Variants in ZZEF1 observed in about 807,000 individuals in gnomAD.
ZZEF1 encodes the protein zinc finger ZZ-type and EF-hand domain-containing protein 1.
Under a neutral mutation model 342.8 loss-of-function variants are expected in ZZEF1, and 157 were observed. The observed-to-expected ratio is 0.46, with a 90% confidence interval of 0.40 to 0.52. The LOEUF is 0.52. Ranked by LOEUF, ZZEF1 falls within the 20% of genes least tolerant of loss-of-function variation. The pLI is 0.00. For missense variants in ZZEF1, 3,480 were observed against 3,725.6 expected (o/e 0.93, Z 1.72); for synonymous variants, 1,505 against 1,429.1 (o/e 1.05, Z -1.20).
intron 39 of ZZEF1, among the ~76,000 whole-genome samples, chr17:4,036,048 C>T (rs868431428): frequency 2.9e-5 from 4 of 137,164 alleles, no homozygotes; most frequent in South Asian, 2.2e-4. Flanking sequence ...TGCAGTGAGC[C>T]GAGATTGCAC....
chr17:4,122,922 CT>C (rs71144167), intron 2 of ZZEF1, among the ~76,000 whole-genome samples: 34 of 136,686 alleles, frequency 2.5e-4, no homozygotes, highest in Non-Finnish European at 2.6e-4. Context: ...TGACCTCTTC[CT>C]TTTTTTTTTT....
intron 6 of ZZEF1, 68 bp from the exon 7 acceptor site, chr17:4,105,877 T>C: frequency 7.6e-7 from 1 of 1,315,320 alleles, no homozygotes; most frequent in Non-Finnish European, 1.1e-6. Context: ...AAATAAACTG[T>C]TAGAAGCTTG....
chr17:4,051,532 T>C (rs1317000132), intron 35 of ZZEF1, among the ~76,000 whole-genome samples: 2 of 152,118 alleles, frequency 1.3e-5, no homozygotes, highest in Non-Finnish European at 2.9e-5. Context: ...GCGATTCTCA[T>C]GCCTTAGCCT....
intron 1 of ZZEF1, among the ~76,000 whole-genome samples, chr17:4,130,041 C>T (rs2058638978): frequency 6.6e-6 from 1 of 151,976 alleles, no homozygotes; most frequent in Non-Finnish European, 1.5e-5. Flanking sequence ...GGGAGAGGAC[C>T]AGAAAAAATA....
In ZZEF1 at chr17:4,049,833, C is replaced by T. The variant is rs2057007255; in HGVS notation, c.5890G>A (p.Val1964Ile). Residue 1964 changes from valine (V) to isoleucine (I), a missense_variant, in exon 37 of 55, where the codon GTA becomes ATA. Coordinates refer to ENST00000381638, the MANE Select transcript of ZZEF1 (RefSeq NM_015113.4). ...KGLKALALLG[V>I]LPDGDSSLED... is the part of the protein sequence containing the mutation. ...AGGCTCGAGTCCCCATCTGGCAATA[C>T]ACCCAGCAAAGCTAGAGCTTTAAGG... 6 of 1,614,084 alleles carry T rather than the reference C, an allele frequency of 3.7e-6. No individual in the cohort carries two copies. The highest frequency in any genetic ancestry group is 1.7e-5 in the Admixed American group (1 of 60,008).
chr17:4,134,291 C>T (rs2058713439), intron 1 of ZZEF1, among the ~76,000 whole-genome samples: 1 of 149,290 alleles, frequency 6.7e-6, no homozygotes, highest in African/African-American at 2.5e-5. Flanking sequence ...TGCACTCTAG[C>T]CTGGGTGGTA....
intron 11 of ZZEF1, among the ~76,000 whole-genome samples, chr17:4,091,425 G>C (rs1484890844): frequency 1.3e-5 from 2 of 152,218 alleles, no homozygotes; most frequent in Non-Finnish European, 2.9e-5. Flanking sequence ...CTTTTTAAGA[G>C]AATGTATGCC....
At chr17:4,022,584 T>G in intron 44 of ZZEF1, 125 bp downstream of exon 44, 1 of 1,357,258 alleles carries the variant, frequency 7.4e-7, no homozygotes, top group Non-Finnish European at 1.0e-6. Context: ...AGCAAGGGAG[T>G]TTTCAACACT....
At chr17:4,059,358 T>C (rs2057237032) in intron 30 of ZZEF1, 68 bp from the exon 31 acceptor site, 5 of 1,552,688 alleles carry the variant, frequency 3.2e-6, no homozygotes, top group Non-Finnish European at 4.3e-6. Flanking sequence ...ATAATAATGA[T>C]TTCTTACATG....
chr17:4,057,664 C>T (rs976886543), intron 32 of ZZEF1, among the ~76,000 whole-genome samples: 1 of 152,178 alleles, frequency 6.6e-6, no homozygotes, highest in Non-Finnish European at 1.5e-5. Flanking sequence ...AGAGGATTCT[C>T]GGCCTCAGAG....
In ZZEF1 at chr17:4,058,044, G is replaced by A. The variant is rs919012586; in HGVS notation, c.5115C>T (p.Leu1705=). Reference sequence around the variant, plus strand: ...TATTCTCCTGTGACATTTTCATGAGGAGATCTGGTAACTGAATATCAACAA... The same window carrying A: ...TATTCTCCTGTGACATTTTCATGAGAAGATCTGGTAACTGAATATCAACAA... The part of the protein sequence containing the change: ...AFFVDIQLPD[L]LMKMSQENIS... Residue 1705 remains leucine, a synonymous_variant, in exon 32 of 55, where the codon CTC becomes CTT. Coordinates refer to ENST00000381638, the MANE Select transcript of ZZEF1 (RefSeq NM_015113.4). 16 of 1,614,084 alleles carry A rather than the reference G, an allele frequency of 9.9e-6. No homozygotes were observed. Among genetic ancestry groups the A allele is most frequent in the African/African-American group, 2.7e-5 (2 of 74,916 alleles).
chr17:4,097,535 C>T (rs897482103), intron 9 of ZZEF1, among the ~76,000 whole-genome samples: 2 of 150,170 alleles, frequency 1.3e-5, no homozygotes, highest in Non-Finnish European at 3.0e-5. Context: ...CATACCCTTT[C>T]GGTCGTCTCT....
intron 39 of ZZEF1, among the ~76,000 whole-genome samples, chr17:4,039,743 A>T (rs1194048447): frequency 1.4e-5 from 2 of 145,678 alleles, no homozygotes; most frequent in African/African-American, 5.1e-5. Flanking sequence ...TCCCGGGTTC[A>T]CGCCATTCTC....
chr17:4,123,296 T>G (rs1235025916), intron 2 of ZZEF1, among the ~76,000 whole-genome samples: 3 of 100,000 alleles, frequency 3.0e-5, no homozygotes, highest in Non-Finnish European at 6.6e-5. Context: ...TATATATATA[T>G]ATATATATAT....
chr17:4,064,063 A>AT (rs796072505), intron 29 of ZZEF1, among the ~76,000 whole-genome samples: 2 of 144,738 alleles, frequency 1.4e-5, no homozygotes, highest in African/African-American at 5.0e-5. Context: ...TTGTAGATGG[A>AT]GGGGGGGGGG....
Position 4,123,955 on chromosome 17 carries a change from C to A in ZZEF1, c.451G>T (p.Glu151Ter). The change falls in exon 2 of 55, where the codon GAG (glutamate) becomes TAG (stop). Residue 151 changes from glutamate (E) to a stop codon, truncating the protein, a stop_gained. Transcript: ENST00000381638. LOFTEE classifies it high-confidence loss of function. ...KNSSGANLQG[E>*]LSHIIRQLQA... ...AGTTGTCTGATGATGTGGCTCAGCTCCCCCTGAAGATTAGCTCCACTGGAA... is the reference window on the plus strand; with the variant it reads ...AGTTGTCTGATGATGTGGCTCAGCTACCCCTGAAGATTAGCTCCACTGGAA... 1.9e-6 allele frequency: 3 copies of A among 1,613,952 alleles called. No individual in the cohort carries two copies. The highest frequency in any genetic ancestry group is 2.5e-6 in the Non-Finnish European group (3 of 1,179,998).
intron 34 of ZZEF1, among the ~76,000 whole-genome samples, chr17:4,053,624 T>C (rs1006235932): frequency 6.6e-6 from 1 of 152,246 alleles, no homozygotes; most frequent in Non-Finnish European, 1.5e-5. Flanking sequence ...CACTGGGCCA[T>C]GCACAAAAAG....
chr17:4,126,054 G>A (rs62071044), intron 1 of ZZEF1, among the ~76,000 whole-genome samples: 7 of 151,752 alleles, frequency 4.6e-5, no homozygotes, highest in East Asian at 3.9e-4. Context: ...GTGAAACCCC[G>A]TCTCTACTAA....
At position 4,106,421 on chromosome 17, in the gene ZZEF1, G is replaced by A. The variant is rs1597900754; in HGVS notation, c.1278-612C>T. ...AGTACTAGAAAAACTGACCCAAGAGGCAGAGCAGCTTGAGGCTCAGTAGAA... is the reference window on the plus strand; with the variant it reads ...AGTACTAGAAAAACTGACCCAAGAGACAGAGCAGCTTGAGGCTCAGTAGAA... On this transcript the variant is annotated intron_variant, in intron 6 of 54. Coordinates refer to ENST00000381638, the MANE Select transcript of ZZEF1 (RefSeq NM_015113.4). Among the ~76,000 whole-genome samples the A allele has an allele frequency of 7.2e-5, 11 of 151,750 alleles. No individual in the cohort carries two copies. In the South Asian group the frequency reaches 2.3e-3, roughly 32 times the overall value.
Sources: allele counts gnomAD v4.1 joint callset (sites outside exome capture counted in the v4.1 genomes callset), GRCh38; gene constraint gnomAD v4.1.1; transcripts MANE v1.5; gene names NCBI Gene and HGNC (gene_info 2026-07-23, HGNC 2026-07-21).